Variants in TDRD3 observed in about 807,000 individuals in gnomAD.
TDRD3 encodes the protein tudor domain containing 3.
A neutral mutation model predicts 86.7 loss-of-function variants in TDRD3; 45 were observed. The observed-to-expected ratio is 0.52, with a 90% confidence interval of 0.41 to 0.67. The LOEUF (loss-of-function observed/expected upper bound fraction) is 0.67, where lower values mean the gene tolerates loss of function less well. Ranked by LOEUF, TDRD3 falls within the 30% of genes least tolerant of loss-of-function variation. The pLI, the probability that TDRD3 is intolerant of heterozygous loss-of-function variation, is 0.00. For missense variants in TDRD3, 814 were observed against 889.0 expected, an observed-to-expected ratio of 0.92 and a Z score of 1.07; for synonymous variants, 298 against 301.7, an observed-to-expected ratio of 0.99 and a Z score of 0.13.
chr13:60,510,424 A>G (rs1258606210), intron 9 of TDRD3, among the ~76,000 whole-genome samples: 1 of 152,160 alleles, frequency 6.6e-6, no homozygotes, highest in Non-Finnish European at 1.5e-5. Flanking sequence ...GGACTTCTGA[A>G]TAGATCATTT....
chr13:60,439,669 A>G lies in TDRD3; in HGVS notation c.42-19A>G. 6.6e-7 allele frequency: 1 copy of G among 1,518,144 alleles called. No individual in the cohort carries two copies. Among genetic ancestry groups the G allele is most frequent in the East Asian group, 2.5e-5 (1 of 40,338 alleles). 94.0% of individuals were successfully genotyped at this position (1,518,144 alleles called of 1,614,324 possible). A position where few individuals can be genotyped will look rare whatever the true frequency, so the allele number is the denominator to read the frequency against. ...TTTTGATTTTAGATAATATTAAGCC[A>G]TTTATTTTATTTTAACAGGTATCTT... On this transcript the variant is annotated intron_variant, in intron 1 of 13. Coordinates refer to ENST00000377881, the MANE Select transcript of TDRD3 (RefSeq NM_001146070.2).
rs1228934482 is a variant in TDRD3 at position 60,481,466 on chromosome 13, T to A, written c.496-2309T>A. On this transcript the variant is annotated intron_variant, in intron 5 of 13. Transcript: ENST00000377881. ...TACCCTAGGCTTTTCCTTTGGCCTCTTTTTGGTAGATTCTATTACTATACC... is the reference window on the plus strand; with the variant it reads ...TACCCTAGGCTTTTCCTTTGGCCTCATTTTGGTAGATTCTATTACTATACC... Among the ~76,000 whole-genome samples, 5 of 151,916 alleles carry A rather than the reference T, an allele frequency of 3.3e-5. No individual in the cohort carries two copies. The East Asian group carries it at 9.6e-4, about 29-fold the overall frequency.
intron 3 of TDRD3, among the ~76,000 whole-genome samples, chr13:60,455,741 T>C (rs960650626): frequency 6.6e-6 from 1 of 152,014 alleles, no homozygotes; most frequent in Non-Finnish European, 1.5e-5. Context: ...GGTATACAGA[T>C]TGAGAAATTT....
chr13:60,510,601 G>A (rs745487945), intron 9 of TDRD3, 29 bp from the exon 10 acceptor site: 1 of 1,573,552 alleles, frequency 6.4e-7, no homozygotes, highest in African/African-American at 1.4e-5. Flanking sequence ...TGCATATACA[G>A]TACATATTTC....
intron 1 of TDRD3, among the ~76,000 whole-genome samples, chr13:60,425,593 G>C (rs2137890321): frequency 6.6e-6 from 1 of 152,214 alleles, no homozygotes; most frequent in African/African-American, 2.4e-5. Context: ...CAGTAGCCAA[G>C]CTATGGAAAC....
At chr13:60,480,099 T>C (rs1956278520) in intron 5 of TDRD3, among the ~76,000 whole-genome samples, 1 of 152,224 alleles carries the variant, frequency 6.6e-6, no homozygotes, top group Non-Finnish European at 1.5e-5. Flanking sequence ...CACTGGAATA[T>C]GTGTTTAAGT....
intron 5 of TDRD3, 32 bp downstream of exon 5, chr13:60,467,411 A>G (rs765414576): frequency 7.9e-5 from 126 of 1,604,454 alleles, no homozygotes; most frequent in Non-Finnish European, 1.0e-4. Flanking sequence ...AACTTTTGAA[A>G]CATTACACTC....
rs141427579 is a variant in TDRD3 at position 60,567,344 on chromosome 13, TTTTTC to T, written c.2119-160_2119-156del. Among the ~76,000 whole-genome samples, 7 of 151,482 alleles carry T rather than the reference TTTTTC, an allele frequency of 4.6e-5. No homozygotes were observed. In the South Asian group the frequency reaches 6.3e-4, roughly 14 times the overall value. ...AAAGAGTTTTAACAGTATCCCTGCC[TTTTTC>T]TTTTCTTTTCTTTTCTTTTCCCTTC... On this transcript the variant is annotated intron_variant, in intron 12 of 13. Transcript: ENST00000377881.
chr13:60,505,397 C>A (rs953605634), intron 8 of TDRD3, among the ~76,000 whole-genome samples: 3 of 152,190 alleles, frequency 2.0e-5, no homozygotes, highest in Admixed American at 6.5e-5. Flanking sequence ...TGGATTCTTC[C>A]TCTCTGGGGA....
chr13:60,506,967 G>A (rs999736161), intron 8 of TDRD3, among the ~76,000 whole-genome samples: 7 of 152,072 alleles, frequency 4.6e-5, no homozygotes, highest in Middle Eastern at 3.2e-3. Flanking sequence ...CCCATCTCAC[G>A]TGCAAAGACA....
At chr13:60,512,641 AG>A (rs1244088200) in intron 10 of TDRD3, among the ~76,000 whole-genome samples, 2 of 152,224 alleles carry the variant, frequency 1.3e-5, no homozygotes, top group Admixed American at 6.5e-5. Flanking sequence ...AAGGGGCTAC[AG>A]GCCCCATGCA....
chr13:60,400,262 A>C (rs373500085), intron 1 of TDRD3, among the ~76,000 whole-genome samples: 1 of 152,220 alleles, frequency 6.6e-6, no homozygotes, highest in African/African-American at 2.4e-5. Flanking sequence ...TCAGAGGTTC[A>C]TTCTCCTTTA....
Position 60,494,456 on chromosome 13 carries a change from G to T in TDRD3, c.739G>T (p.Gly247Cys). 6 of 1,613,350 alleles carry T rather than the reference G, an allele frequency of 3.7e-6. No individual in the cohort carries two copies. Among genetic ancestry groups the T allele is most frequent in the Middle Eastern group, 1.7e-4 (1 of 6,056 alleles). The change falls in exon 8 of 14, where the codon GGT (glycine) becomes TGT (cysteine). Residue 247 changes from glycine (G) to cysteine (C), a missense_variant. Gly to Cys is a radical substitution (Grantham distance 159). Coordinates refer to ENST00000377881, the MANE Select transcript of TDRD3 (RefSeq NM_001146070.2). The stretch of plus-strand genomic sequence containing the variant: ...AAAGACCAAGACATTTGGAGGAGGT[G>T]GTGGTGGTGCTAGAAGTAATCTCAA... ...SKETKTFGGGGGGARSNLNMN... is the reference protein window; with the variant it reads ...SKETKTFGGGCGGARSNLNMN...
chr13:60,486,089 G>A (rs1956429947), intron 7 of TDRD3, 141 bp downstream of exon 7: 2 of 776,966 alleles, frequency 2.6e-6, no homozygotes, highest in Non-Finnish European at 3.6e-6. Flanking sequence ...TCCATAACTG[G>A]GAATGCCCTG....
upstream of TDRD3, chr13:60,396,652 T>C (rs1953916969): frequency 6.5e-6 from 1 of 153,222 alleles, no homozygotes; most frequent in Non-Finnish European, 1.4e-5. Context: ...TAAAAGCAGG[T>C]TTTCTTGGGC....
intron 8 of TDRD3, among the ~76,000 whole-genome samples, chr13:60,501,376 T>G (rs527997321): frequency 6.6e-6 from 1 of 152,352 alleles, no homozygotes; most frequent in South Asian, 2.1e-4. Context: ...GGAGTTTGAT[T>G]GCTGTCAGCC....
intron 7 of TDRD3, among the ~76,000 whole-genome samples, chr13:60,491,945 T>TA (rs1228766160): frequency 1.3e-5 from 2 of 152,176 alleles, no homozygotes; most frequent in East Asian, 3.9e-4. Context: ...TAGACAGCAT[T>TA]AAGGCCCACT....
intron 1 of TDRD3, among the ~76,000 whole-genome samples, chr13:60,413,589 A>C (rs907141765): frequency 2.0e-5 from 3 of 152,210 alleles, no homozygotes; most frequent in African/African-American, 7.2e-5. Context: ...ATGCCCAGTA[A>C]ATACTTAATG....
At chr13:60,546,300 A>T (rs1449447141) in intron 12 of TDRD3, among the ~76,000 whole-genome samples, 3 of 152,160 alleles carry the variant, frequency 2.0e-5, no homozygotes, top group Non-Finnish European at 4.4e-5. Flanking sequence ...TGTATTCTTT[A>T]GAAATTAGCA....
Sources: gnomAD v4.1 joint callset for allele counts (sites outside exome capture counted in the v4.1 genomes callset) on GRCh38, gnomAD v4.1.1 for gene constraint, MANE v1.5 for transcripts, NCBI Gene and HGNC (gene_info 2026-07-23, HGNC 2026-07-21) for gene names.